The following TENM4 variants were observed in gnomAD, a reference collection of about 807,000 sequenced individuals.
The protein encoded by TENM4 is teneurin-4.
In TENM4, 82 loss-of-function variants were observed where a neutral mutation model predicts 243.3. That is an observed-to-expected ratio of 0.34 (90% CI 0.28 to 0.40). The LOEUF is 0.40. Among genes scored for constraint, TENM4 ranks in the 10% least tolerant of loss-of-function variants. The pLI, the probability that TENM4 is intolerant of heterozygous loss-of-function variation, is 1.00. For synonymous variants in TENM4, 1,412 were observed against 1,456.3 expected (o/e 0.97, Z 0.69); for missense variants, 3,138 against 3,673.3 (o/e 0.85, Z 3.77).
At chr11:79,341,942 G>T (rs776548170) in intron 1 of TENM4, among the ~76,000 whole-genome samples, 8 of 152,120 alleles carry the variant, frequency 5.3e-5, no homozygotes, top group Non-Finnish European at 8.8e-5. Flanking sequence ...CTGTAAAATG[G>T]ATATAAGAAT....
intron 1 of TENM4, among the ~76,000 whole-genome samples, chr11:79,363,955 T>G (rs941491048): frequency 6.6e-6 from 1 of 152,212 alleles, no homozygotes; most frequent in African/African-American, 2.4e-5. Flanking sequence ...GCTGAAAGAA[T>G]TTTTTCTGGG....
chr11:78,961,587 C>T (rs928266040), intron 6 of TENM4, among the ~76,000 whole-genome samples: 4 of 152,176 alleles, frequency 2.6e-5, no homozygotes, highest in Non-Finnish European at 5.9e-5. Flanking sequence ...GCTTCAGGGC[C>T]GCCTGTCTCC....
At chr11:79,250,775 G>A (rs755280940) in intron 2 of TENM4, among the ~76,000 whole-genome samples, 1 of 152,236 alleles carries the variant, frequency 6.6e-6, no homozygotes, top group Non-Finnish European at 1.5e-5. Context: ...GGCAAATTTA[G>A]ACAACAACTT....
intron 6 of TENM4, chr11:79,021,430 G>A (rs527673212): frequency 1.3e-5 from 2 of 152,306 alleles, no homozygotes; most frequent in Admixed American, 6.5e-5. Flanking sequence ...GCAAAGGAGT[G>A]GGGATGTGAG....
intron 6 of TENM4, among the ~76,000 whole-genome samples, chr11:78,998,451 C>G (rs1469221646): frequency 6.6e-6 from 1 of 152,224 alleles, no homozygotes; most frequent in Non-Finnish European, 1.5e-5. Context: ...GACAAATCAT[C>G]TCTTCTCAAA....
intron 10 of TENM4, 139 bp from the exon 11 acceptor site, chr11:78,856,317 C>G (rs1858679275): frequency 4.0e-6 from 3 of 744,196 alleles, no homozygotes; most frequent in African/African-American, 1.8e-5. Context: ...GCTTCCTCCC[C>G]ACCCTGGCCC....
intron 23 of TENM4, among the ~76,000 whole-genome samples, chr11:78,723,257 C>T (rs982874400): frequency 6.6e-6 from 1 of 152,272 alleles, no homozygotes; most frequent in Non-Finnish European, 1.5e-5. Flanking sequence ...TTCACCTACA[C>T]TGCCTCTCAG....
intron 18 of TENM4, among the ~76,000 whole-genome samples, chr11:78,764,402 T>G (rs1185750923): frequency 6.6e-6 from 1 of 152,262 alleles, no homozygotes; most frequent in Non-Finnish European, 1.5e-5. Flanking sequence ...ATTTTCTGGC[T>G]TCCAAGCCCT....
intron 3 of TENM4, among the ~76,000 whole-genome samples, chr11:79,154,885 G>A (rs1862573343): frequency 6.6e-6 from 1 of 152,192 alleles, no homozygotes; most frequent in Admixed American, 6.5e-5. Context: ...GGCCAAGCAT[G>A]CAGTAGACCC....
intron 1 of TENM4, among the ~76,000 whole-genome samples, chr11:79,299,928 G>A (rs1590862668): frequency 6.6e-6 from 1 of 152,170 alleles, no homozygotes; most frequent in East Asian, 1.9e-4. Flanking sequence ...CTTGCTTTCT[G>A]CTGAGCTCCC....
At chr11:78,926,326 G>A (rs1013248433) in intron 6 of TENM4, among the ~76,000 whole-genome samples, 1 of 150,402 alleles carries the variant, frequency 6.6e-6, no homozygotes, top group Non-Finnish European at 1.5e-5. Flanking sequence ...GCCCAGGCTG[G>A]AGTGCAGTGG....
Position 79,297,319 on chromosome 11 carries a change from A to G in TENM4, c.-265+169T>C, listed in dbSNP as rs377677788. Among the ~76,000 whole-genome samples, 186 of 152,270 alleles carry G rather than the reference A, an allele frequency of 1.2e-3. 9 individuals carry two copies. In the South Asian group the frequency reaches 0.038, roughly 31 times the overall value. Reference sequence around the variant, plus strand: ...AACAGAAGCCACAAGTGCAAGTAATACTCAAATGCCTCAAACTGGCTCATC... The same window carrying G: ...AACAGAAGCCACAAGTGCAAGTAATGCTCAAATGCCTCAAACTGGCTCATC... On this transcript the variant is annotated intron_variant, in intron 2 of 33. Transcript: ENST00000278550.
intron 1 of TENM4, among the ~76,000 whole-genome samples, chr11:79,384,664 G>A (rs759002859): frequency 6.6e-6 from 1 of 152,118 alleles, no homozygotes; most frequent in Non-Finnish European, 1.5e-5. Context: ...AGTGGCTCAC[G>A]CCTGTAATCC....
At chr11:78,863,804 C>T (rs1433419782) in intron 9 of TENM4, among the ~76,000 whole-genome samples, 4 of 152,206 alleles carry the variant, frequency 2.6e-5, no homozygotes, top group African/African-American at 9.6e-5. Flanking sequence ...TACACATACC[C>T]TTTATCCTGG....
rs528718389 is a variant in TENM4 at position 78,765,790 on chromosome 11, C to T, written c.2539+5202G>A. Among the ~76,000 whole-genome samples the T allele has an allele frequency of 9.8e-5, 15 of 152,298 alleles. No individual in the cohort carries two copies. The South Asian group carries it at 1.0e-3, about 11-fold the overall frequency. On this transcript the variant is annotated intron_variant, in intron 18 of 33. Coordinates refer to ENST00000278550, the MANE Select transcript of TENM4 (RefSeq NM_001098816.3). ...AAGGCTGGAGATGATGTACGCAGAG[C>T]GTCTAGCACAGTGCCTGGCACTCAG...
chr11:79,191,660 G>A (rs1324103308), intron 3 of TENM4: 33 of 196,052 alleles, frequency 1.7e-4, no homozygotes, highest in Non-Finnish European at 2.6e-4. Context: ...CTGCCCGGCC[G>A]CCATCCCATC....
chr11:79,276,276 A>G (rs1250937713), intron 2 of TENM4, among the ~76,000 whole-genome samples: 3 of 152,212 alleles, frequency 2.0e-5, no homozygotes, highest in African/African-American at 4.8e-5. Context: ...AGACATGAGG[A>G]CAGGAGGGAC....
chr11:78,890,908 G>A (rs775196282), intron 8 of TENM4, among the ~76,000 whole-genome samples: 10 of 152,188 alleles, frequency 6.6e-5, no homozygotes, highest in Admixed American at 1.3e-4. Context: ...GGTACAAGGT[G>A]CCTCAGGTCA....
intron 24 of TENM4, among the ~76,000 whole-genome samples, chr11:78,721,291 C>T (rs532507285): frequency 1.2e-3 from 181 of 152,312 alleles, no homozygotes; most frequent in African/African-American, 4.3e-3. Flanking sequence ...CTCATTCAGC[C>T]GATATCTGAT....
Sources: allele counts gnomAD v4.1 joint callset (sites outside exome capture counted in the v4.1 genomes callset), GRCh38; gene constraint gnomAD v4.1.1; transcripts MANE v1.5; gene names NCBI Gene and HGNC (gene_info 2026-07-23, HGNC 2026-07-21).